THAP4: variants seen among roughly 807,000 people sequenced by gnomAD.
The protein encoded by THAP4 is THAP domain containing 4, also known as peroxynitrite isomerase THAP4.
THAP4 carries 18 observed loss-of-function variants against 48.1 expected under a neutral mutation model. That is an observed-to-expected ratio of 0.37 (90% confidence interval 0.26 to 0.56). THAP4 has a LOEUF of 0.56. THAP4 is among the 20% of genes least tolerant of loss of function. The probability of loss-of-function intolerance (pLI) is 0.78; values close to 1 mark genes in which losing one functional copy is unlikely to be tolerated. For missense variants in THAP4, 656 were observed against 774.9 expected, an observed-to-expected ratio of 0.85 and a Z score of 1.82; for synonymous variants, 345 against 324.9, an observed-to-expected ratio of 1.06 and a Z score of -0.66.
At chr2:241,632,455 T>C (rs983200806) in intron 2 of THAP4, among the ~76,000 whole-genome samples, 3 of 152,170 alleles carry the variant, frequency 2.0e-5, no homozygotes, top group South Asian at 2.1e-4. Flanking sequence ...TTCATGATGA[T>C]TTAACTTCAA....
chr2:241,621,608 G>GA (rs199555180), intron 2 of THAP4, among the ~76,000 whole-genome samples: 152 of 151,156 alleles, frequency 1.0e-3, no homozygotes, highest in East Asian at 8.1e-3. Context: ...AATGCAAAGA[G>GA]AAAAAAACGG....
At chr2:241,594,986 G>A (rs775668863) in intron 5 of THAP4, among the ~76,000 whole-genome samples, 7 of 152,162 alleles carry the variant, frequency 4.6e-5, no homozygotes, top group Admixed American at 4.6e-4. Context: ...ATTGCACACT[G>A]TGAGCGATCT....
In THAP4 at chr2:241,631,378, G is replaced by A. The variant is rs185204040; in HGVS notation, c.1240+1539C>T. On this transcript the variant is annotated intron_variant, in intron 2 of 5. Coordinates refer to ENST00000407315, the MANE Select transcript of THAP4 (RefSeq NM_015963.6). ...AGGCAAAGGAAACCATCCGCCATAT[G>A]TAAACATCTAGAAACCAATTTTAAG... 3.9e-5 allele frequency among the ~76,000 whole-genome samples: 6 copies of A among 152,328 alleles called. No individual in the cohort carries two copies. In the East Asian group the frequency reaches 1.2e-3, roughly 29 times the overall value.
At chr2:241,584,982 C>T (rs2066875733) in intron 5 of THAP4, 1 of 467,042 alleles carries the variant, frequency 2.1e-6, no homozygotes, top group Non-Finnish European at 3.9e-6. Flanking sequence ...ACGGCCATAC[C>T]ACCCTGAACG....
At chr2:241,593,508 C>T (rs527618477) in intron 5 of THAP4, among the ~76,000 whole-genome samples, 4 of 152,256 alleles carry the variant, frequency 2.6e-5, no homozygotes, top group African/African-American at 4.8e-5. Context: ...CACGGGGACC[C>T]GACACAGCCG....
Position 241,633,410 on chromosome 2 carries a change from T to G in THAP4, c.747A>C (p.Pro249=). The part of the protein sequence containing the change: ...SFSSKHTRER[P]SVPREPIDRK... Reference sequence around the variant, plus strand: ...GGTCAATGGGCTCTCGGGGGACAGATGGCCTTTCTCGGGTGTGCTTAGAGG... The same window carrying G: ...GGTCAATGGGCTCTCGGGGGACAGAGGGCCTTTCTCGGGTGTGCTTAGAGG... The change falls in exon 2 of 6, where the codon CCA becomes CCC. Residue 249 remains proline, a synonymous_variant. Coordinates refer to ENST00000407315, the MANE Select transcript of THAP4 (RefSeq NM_015963.6). This position sits in a 1 kb window ranked among gnomAD's most constrained non-coding sequence, Gnocchi z 7.5. The G allele has an allele frequency of 1.9e-6, 3 of 1,613,646 alleles. No homozygotes were observed. The highest frequency in any genetic ancestry group is 2.2e-5 in the South Asian group (2 of 91,066).
intron 3 of THAP4, 81 bp from the exon 4 acceptor site, chr2:241,603,160 G>C: frequency 8.6e-7 from 1 of 1,167,572 alleles, no homozygotes; most frequent in Non-Finnish European, 1.3e-6. Flanking sequence ...GAACTGTCCA[G>C]GGTGCCCTCC....
chr2:241,636,368 G>C (rs1207470088), intron 1 of THAP4, among the ~76,000 whole-genome samples: 1 of 152,244 alleles, frequency 6.6e-6, no homozygotes, highest in African/African-American at 2.4e-5. Flanking sequence ...CCTTAGAGGG[G>C]TTTGGGCCCT....
In THAP4 at chr2:241,601,908, G is replaced by T; in HGVS notation, c.1602C>A (p.Pro534=). ...GGGCTGGGCTCACCTGCTCTACGTG[G>T]GGCTCCTTGGCGAAGGAGATCCTGG... ...SIARISFAKE[P]HVEQITRKFR... The change falls in exon 5 of 6, where the codon CCC becomes CCA. Residue 534 remains proline (P), a synonymous_variant. Transcript: ENST00000407315. The surrounding 1 kb of genome is among the most constrained non-coding windows in gnomAD (Gnocchi z 4.0). 1 of 1,613,948 alleles carries T rather than the reference G, an allele frequency of 6.2e-7. No homozygotes were observed. The highest frequency in any genetic ancestry group is 8.5e-7 in the Non-Finnish European group (1 of 1,180,012).
At chr2:241,594,812 C>G (rs1397112120) in intron 5 of THAP4, 1 of 177,394 alleles carries the variant, frequency 5.6e-6, no homozygotes, top group Non-Finnish European at 1.2e-5. Flanking sequence ...TGTGGTGGTG[C>G]GCATTCGCAG....
At chr2:241,623,255 A>C (rs2067456815) in intron 2 of THAP4, among the ~76,000 whole-genome samples, 1 of 151,038 alleles carries the variant, frequency 6.6e-6, no homozygotes, top group African/African-American at 2.4e-5. Context: ...CAACAAAAAA[A>C]CCCCACTTTG....
chr2:241,591,002 A>G (rs2066968410), intron 5 of THAP4, among the ~76,000 whole-genome samples: 1 of 150,250 alleles, frequency 6.7e-6, no homozygotes, highest in Non-Finnish European at 1.5e-5. Context: ...TCGGCTGACA[A>G]TAATGGGCAC....
At chr2:241,617,384 T>C in intron 2 of THAP4, 1 of 1,462,206 alleles carries the variant, frequency 6.8e-7, no homozygotes, top group South Asian at 1.2e-5. Flanking sequence ...TTTCATGTTT[T>C]GGCCCAAGAC....
rs1288908731 is a variant in THAP4 at position 241,606,163 on chromosome 2, A to G, written c.1400+151T>C. The G allele has an allele frequency of 4.8e-6, 3 of 630,526 alleles. No individual in the cohort carries two copies. In the East Asian group the frequency reaches 8.7e-5, roughly 18 times the overall value. The allele number at this position is 630,526 out of a possible 1,614,324, so 39.1% of individuals were successfully genotyped here. A position where few individuals can be genotyped will look rare whatever the true frequency, so the allele number is the denominator to read the frequency against. On this transcript the variant is annotated intron_variant, in intron 3 of 5. Coordinates refer to ENST00000407315, the MANE Select transcript of THAP4 (RefSeq NM_015963.6). ...TTACCACTCTGTGTCTCAGTTGCAC[A>G]TTCAGGCAAGAGGACACCTTTCTGA...
At chr2:241,591,118 G>A (rs1267529620) in intron 5 of THAP4, among the ~76,000 whole-genome samples, 25 of 103,072 alleles carry the variant, frequency 2.4e-4, no homozygotes, top group Non-Finnish European at 1.0e-4. Flanking sequence ...CCAGGCTGAC[G>A]ATGATGGGCA....
At chr2:241,608,152 G>C (rs1575027028) in intron 2 of THAP4, among the ~76,000 whole-genome samples, 1 of 152,158 alleles carries the variant, frequency 6.6e-6, no homozygotes, top group Non-Finnish European at 1.5e-5. Flanking sequence ...AAAGGCTCTG[G>C]GGGTGGAGGA....
chr2:241,587,433 C>G (rs1020742042), intron 5 of THAP4, among the ~76,000 whole-genome samples: 2 of 152,188 alleles, frequency 1.3e-5, no homozygotes, highest in Non-Finnish European at 2.9e-5. Flanking sequence ...CCACTGACTT[C>G]CCTGGTTCTG....
At position 241,606,608 on chromosome 2, in the gene THAP4, G is replaced by GTCAA. The variant is rs2067187383; in HGVS notation, c.1241-136_1241-135insTTGA. 1.1e-5 allele frequency: 9 copies of GTCAA among 828,034 alleles called. 1 individual carries two copies. In the Admixed American group the frequency reaches 2.7e-4, roughly 25 times the overall value. 51.3% of individuals were successfully genotyped at this position (828,034 alleles called of 1,614,324 possible). ...AATCCTGGGGGACCTGTCAAGAGCG[G>GTCAA]GAGAAAATGGTCAAGCAACTGTAAA... On this transcript the variant is annotated intron_variant, in intron 2 of 5. Transcript: ENST00000407315.
At chr2:241,611,112 A>G (rs574146125) in intron 2 of THAP4, among the ~76,000 whole-genome samples, 2 of 152,324 alleles carry the variant, frequency 1.3e-5, no homozygotes, top group African/African-American at 4.8e-5. Context: ...GGATGCTGTG[A>G]GAAGTGGTGG....
Sources: allele counts gnomAD v4.1 joint callset (sites outside exome capture counted in the v4.1 genomes callset), GRCh38; gene constraint gnomAD v4.1.1; non-coding constraint Gnocchi (gnomAD v3.1); transcripts MANE v1.5; gene names NCBI Gene and HGNC (gene_info 2026-07-23, HGNC 2026-07-21).